TMEM132B: variants seen among roughly 807,000 people sequenced by gnomAD.
The protein encoded by TMEM132B is transmembrane protein 132B.
Under a neutral mutation model 90.8 loss-of-function variants are expected in TMEM132B, and 18 were observed. The observed-to-expected ratio is 0.20, with a 90% CI of 0.14 to 0.29. The LOEUF (loss-of-function observed/expected upper bound fraction) is 0.29. Among genes scored for constraint, TMEM132B ranks in the 10% least tolerant of loss-of-function variants. The pLI is 1.00. For missense variants in TMEM132B, 1,096 were observed against 1,326.8 expected (o/e 0.83, Z 2.70); for synonymous variants, 504 against 523.3 (o/e 0.96, Z 0.50).
At position 125,408,770 on chromosome 12, in the gene TMEM132B, T is replaced by A. The variant is rs948402362; in HGVS notation, c.960-6761T>A. Among the ~76,000 whole-genome samples the A allele has an allele frequency of 2.8e-4, 42 of 151,986 alleles. No homozygotes were observed. Among genetic ancestry groups the A allele is most frequent in the African/African-American group, 1.0e-3 (42 of 41,354 alleles). On this transcript the variant is annotated intron_variant, in intron 2 of 8. Coordinates refer to ENST00000682704, the MANE Select transcript of TMEM132B (RefSeq NM_001366854.1). The surrounding 1 kb of genome is among the most constrained non-coding windows in gnomAD (Gnocchi z 5.9). ...ATGCTGTTACAGGGTCTACGGAAATTCAGGCTTTGTAGTTATCACCAAATA... is the reference window on the plus strand; with the variant it reads ...ATGCTGTTACAGGGTCTACGGAAATACAGGCTTTGTAGTTATCACCAAATA...
chr12:125,198,846 C>A (rs1279211701), intron 1 of TMEM132B, among the ~76,000 whole-genome samples: 2 of 152,204 alleles, frequency 1.3e-5, no homozygotes, highest in African/African-American at 4.8e-5. Flanking sequence ...CTCCCTCCTG[C>A]CCCTGGAGGC....
chr12:125,569,744 A>G (rs563684289), intron 4 of TMEM132B, among the ~76,000 whole-genome samples: 1 of 152,252 alleles, frequency 6.6e-6, no homozygotes, highest in East Asian at 1.9e-4. Context: ...GGAGCTCCTT[A>G]GGAAGCTTGA....
intron 4 of TMEM132B, among the ~76,000 whole-genome samples, chr12:125,552,173 T>A (rs1365690874): frequency 6.6e-6 from 1 of 152,244 alleles, no homozygotes; most frequent in Admixed American, 6.5e-5. Context: ...AAAATAATGA[T>A]TACGTTATTA....
chr12:125,596,064 C>A (rs1885432205), intron 5 of TMEM132B, among the ~76,000 whole-genome samples: 1 of 152,062 alleles, frequency 6.6e-6, no homozygotes, highest in South Asian at 2.1e-4. Flanking sequence ...ACTCCTTTTC[C>A]AGCCAAGAGT....
At chr12:125,576,454 C>T (rs1304084) in intron 4 of TMEM132B, among the ~76,000 whole-genome samples, 89,258 of 147,972 alleles carry the variant, frequency 0.6, 27,148 homozygotes, top group Middle Eastern at 0.77. Flanking sequence ...GGATTCATTT[C>T]AATTAATCCC....
intron 1 of TMEM132B, among the ~76,000 whole-genome samples, chr12:125,342,809 G>A (rs1877229015): frequency 6.6e-6 from 1 of 152,168 alleles, no homozygotes; most frequent in African/African-American, 2.4e-5. Context: ...ACTCCTGCCT[G>A]ATGACCGGCT....
At chr12:125,648,529 T>TG (rs1197290535) in intron 6 of TMEM132B, among the ~76,000 whole-genome samples, 77 of 131,294 alleles carry the variant, frequency 5.9e-4, no homozygotes, top group African/African-American at 2.4e-3. Context: ...TAAGATCTCC[T>TG]GTTTTTTTTT....
At chr12:125,334,064 G>C (rs1876877411) in intron 1 of TMEM132B, among the ~76,000 whole-genome samples, 1 of 151,848 alleles carries the variant, frequency 6.6e-6, no homozygotes, top group African/African-American at 2.4e-5. Flanking sequence ...TTCCTTCTGG[G>C]GCCCCTCTTT....
intron 4 of TMEM132B, among the ~76,000 whole-genome samples, chr12:125,573,174 G>T (rs1324700401): frequency 6.6e-6 from 1 of 152,088 alleles, no homozygotes; most frequent in Non-Finnish European, 1.5e-5. Flanking sequence ...ATTGCTAAAG[G>T]GGTGTTATAT....
intron 4 of TMEM132B, among the ~76,000 whole-genome samples, chr12:125,579,432 G>T (rs1452254089): frequency 4.0e-5 from 6 of 151,582 alleles, no homozygotes; most frequent in African/African-American, 1.5e-4. Context: ...CATGATCTCG[G>T]CTCACTGCAA....
At chr12:125,295,936 T>C (rs1361494251) in intron 1 of TMEM132B, among the ~76,000 whole-genome samples, 1 of 152,112 alleles carries the variant, frequency 6.6e-6, no homozygotes, top group Non-Finnish European at 1.5e-5. Flanking sequence ...GAGTAACAGG[T>C]TCTGATTTTA....
chr12:125,578,533 G>A (rs1452722948), intron 4 of TMEM132B, among the ~76,000 whole-genome samples: 1 of 151,978 alleles, frequency 6.6e-6, no homozygotes, highest in Non-Finnish European at 1.5e-5. Context: ...ACATTTACTG[G>A]TGCTCTCTAT....
chr12:125,298,923 C>T (rs7314033), intron 1 of TMEM132B, among the ~76,000 whole-genome samples: 48,028 of 151,108 alleles, frequency 0.32, 7,902 homozygotes, highest in East Asian at 0.54. Flanking sequence ...TTAGTAGAGA[C>T]GGGGTTTCAC....
At chr12:125,275,538 A>C (rs1279723050) in intron 1 of TMEM132B, among the ~76,000 whole-genome samples, 1 of 152,106 alleles carries the variant, frequency 6.6e-6, no homozygotes, top group Admixed American at 6.6e-5. Flanking sequence ...CCAGATTATT[A>C]AGGAGAGTTT....
chr12:125,565,540 T>A (rs555328552), intron 4 of TMEM132B, among the ~76,000 whole-genome samples: 5 of 152,248 alleles, frequency 3.3e-5, no homozygotes, highest in Admixed American at 2.6e-4. Flanking sequence ...AGGTCACACA[T>A]GGACTTGAAG....
intron 1 of TMEM132B, among the ~76,000 whole-genome samples, chr12:125,257,028 T>C (rs1343386326): frequency 6.6e-6 from 1 of 152,146 alleles, no homozygotes; most frequent in Non-Finnish European, 1.5e-5. Context: ...AAAAAGATGG[T>C]CAAGGCCAGC....
chr12:125,299,494 G>A (rs1422483218), intron 1 of TMEM132B, among the ~76,000 whole-genome samples: 1 of 152,150 alleles, frequency 6.6e-6, no homozygotes, highest in Admixed American at 6.5e-5. Flanking sequence ...CTTCCAGACC[G>A]ACTCTGGGCT....
At chr12:125,483,261 A>T (rs1030514413) in intron 3 of TMEM132B, among the ~76,000 whole-genome samples, 1 of 152,140 alleles carries the variant, frequency 6.6e-6, no homozygotes, top group African/African-American at 2.4e-5. Context: ...AACATTAACA[A>T]TGAATAGTGA....
chr12:125,641,810 G>A (rs1334041721), intron 5 of TMEM132B, among the ~76,000 whole-genome samples: 1 of 152,146 alleles, frequency 6.6e-6, no homozygotes, highest in African/African-American at 2.4e-5. Context: ...ATTGGGGGTG[G>A]TTGGGTAGCA....
Sources: gnomAD v4.1 joint callset for allele counts (sites outside exome capture counted in the v4.1 genomes callset) on GRCh38, gnomAD v4.1.1 for gene constraint, Gnocchi (gnomAD v3.1) non-coding constraint, MANE v1.5 for transcripts, NCBI Gene and HGNC (gene_info 2026-07-23, HGNC 2026-07-21) for gene names.